INTS9: variants seen among roughly 807,000 people sequenced by gnomAD.
The protein encoded by INTS9 is integrator complex subunit 9, also known as protein related to CPSF subunits of 74 kDa.
INTS9 carries 55 observed loss-of-function variants against 79.7 expected under a neutral mutation model. That is an observed-to-expected ratio of 0.69 (90% CI 0.56 to 0.86). INTS9 has a LOEUF of 0.86. Among genes scored for constraint, INTS9 ranks in the 40% least tolerant of loss-of-function variants. The pLI is 0.00. For synonymous variants in INTS9, 319 were observed against 325.2 expected, an observed-to-expected ratio of 0.98 and a Z score of 0.20; for missense variants, 721 against 831.5, an observed-to-expected ratio of 0.87 and a Z score of 1.64.
At chr8:28,871,632 C>T (rs1254705872) in intron 1 of INTS9, among the ~76,000 whole-genome samples, 2 of 152,050 alleles carry the variant, frequency 1.3e-5, no homozygotes, top group Non-Finnish European at 2.9e-5. Flanking sequence ...TCCTGAACTC[C>T]TGGGCTCAAG....
intron 1 of INTS9, among the ~76,000 whole-genome samples, chr8:28,882,532 T>TAAAAAAAAAAAAAAA: frequency 1.6e-5 from 1 of 63,310 alleles, no homozygotes; most frequent in East Asian, 4.3e-4. Context: ...TATTAACAGC[T>TAAAAAAAAAAAAAAA]AAAAAAAAAA....
At chr8:28,865,324 A>G (rs547172912) in intron 1 of INTS9, among the ~76,000 whole-genome samples, 1 of 152,098 alleles carries the variant, frequency 6.6e-6, no homozygotes, top group South Asian at 2.1e-4. Flanking sequence ...TACGATTTAT[A>G]AATAAACCTA....
Position 28,787,900 on chromosome 8 carries a change from G to A in INTS9, c.1038-11C>T. On this transcript the variant is annotated splice_polypyrimidine_tract_variant and intron_variant, in intron 10 of 16. Transcript: ENST00000521022. ...TTGTTGTGACAAAGCCTATTAAAGA[G>A]GAAAAACACATCAGCATGTGAGGAA... 1 of 1,583,932 alleles carries A rather than the reference G, an allele frequency of 6.3e-7. No homozygotes were observed.
intron 15 of INTS9, 73 bp from the exon 16 acceptor site, chr8:28,770,099 A>G: frequency 6.4e-7 from 1 of 1,554,250 alleles, no homozygotes; most frequent in South Asian, 1.2e-5. Context: ...CCACACTGAG[A>G]GCCTGAGACT....
chr8:28,880,364 T>G (rs546313386), intron 1 of INTS9, among the ~76,000 whole-genome samples: 2 of 151,860 alleles, frequency 1.3e-5, no homozygotes, highest in African/African-American at 4.8e-5. Context: ...CCCTGCCTGA[T>G]TCTCCTGCCT....
At chr8:28,792,877 T>C (rs1018701578) in intron 10 of INTS9, among the ~76,000 whole-genome samples, 7 of 147,496 alleles carry the variant, frequency 4.7e-5, no homozygotes, top group South Asian at 2.1e-4. Flanking sequence ...TGTGCCACTG[T>C]ACTCCAGCCT....
intron 10 of INTS9, among the ~76,000 whole-genome samples, chr8:28,790,908 A>T (rs1018910290): frequency 6.6e-6 from 1 of 152,216 alleles, no homozygotes; most frequent in Non-Finnish European, 1.5e-5. Flanking sequence ...GGCACCGTCA[A>T]TGCCCTCAGG....
intron 8 of INTS9, among the ~76,000 whole-genome samples, chr8:28,802,010 G>C (rs1804554998): frequency 6.6e-6 from 1 of 152,318 alleles, no homozygotes; most frequent in South Asian, 2.1e-4. Context: ...TGTGGGAATT[G>C]TGCCAGCTCT....
intron 12 of INTS9, 62 bp from the exon 13 acceptor site, chr8:28,778,015 C>A: frequency 6.6e-7 from 1 of 1,506,654 alleles, no homozygotes; most frequent in Non-Finnish European, 8.9e-7. Flanking sequence ...CCAAGCCAGA[C>A]AGCAACTGGG....
At chr8:28,773,612 C>T (rs577453227) in intron 14 of INTS9, among the ~76,000 whole-genome samples, 6 of 149,622 alleles carry the variant, frequency 4.0e-5, no homozygotes, top group East Asian at 4.0e-4. Context: ...AGTGCAGTGG[C>T]GCGATTTTGG....
intron 5 of INTS9, 139 bp downstream of exon 5, chr8:28,837,498 C>G: frequency 1.2e-6 from 1 of 812,294 alleles, no homozygotes. Flanking sequence ...TCTAGAGAGT[C>G]GCTTACTCCT....
chr8:28,870,193 G>A (rs1458647630), intron 1 of INTS9, among the ~76,000 whole-genome samples: 1 of 152,026 alleles, frequency 6.6e-6, no homozygotes, highest in African/African-American at 2.4e-5. Flanking sequence ...ATAAAAGACT[G>A]TAAGCACACA....
intron 6 of INTS9, among the ~76,000 whole-genome samples, chr8:28,829,851 T>C (rs1806365986): frequency 6.6e-6 from 1 of 152,170 alleles, no homozygotes; most frequent in Non-Finnish European, 1.5e-5. Context: ...AAGGAAGGCT[T>C]GGCAGCTGTG....
intron 3 of INTS9, among the ~76,000 whole-genome samples, chr8:28,849,694 C>G (rs948333963): frequency 4.6e-5 from 7 of 152,134 alleles, no homozygotes; most frequent in African/African-American, 1.2e-4. Flanking sequence ...GTGATCCGAT[C>G]TGACAATGCC....
intron 1 of INTS9, among the ~76,000 whole-genome samples, chr8:28,880,592 G>A (rs371810686): frequency 6.6e-6 from 1 of 151,212 alleles, no homozygotes; most frequent in Non-Finnish European, 1.5e-5. Flanking sequence ...GTGCAGCGGC[G>A]TGATCTCGGC....
chr8:28,844,677 G>A (rs2131226926), intron 4 of INTS9, among the ~76,000 whole-genome samples: 1 of 152,050 alleles, frequency 6.6e-6, no homozygotes, highest in African/African-American at 2.4e-5. Flanking sequence ...ATTCAAAAAT[G>A]AGCTGGTGGG....
chr8:28,804,907 G>A (rs1437064834), intron 8 of INTS9, among the ~76,000 whole-genome samples: 2 of 152,180 alleles, frequency 1.3e-5, no homozygotes, highest in African/African-American at 4.8e-5. Flanking sequence ...ATACAGCTGA[G>A]AATGAATTCA....
At chr8:28,824,381 G>C (rs1012614871) in intron 6 of INTS9, among the ~76,000 whole-genome samples, 1 of 152,126 alleles carries the variant, frequency 6.6e-6, no homozygotes, top group Non-Finnish European at 1.5e-5. Flanking sequence ...CTTTATCTGG[G>C]TGCTGCTTCT....
intron 15 of INTS9, among the ~76,000 whole-genome samples, chr8:28,770,688 C>T (rs982912147): frequency 3.3e-5 from 5 of 152,232 alleles, no homozygotes; most frequent in East Asian, 1.9e-4. Context: ...CACAGCCTCA[C>T]GCAGGTGCCC....
Sources: gnomAD v4.1 joint callset for allele counts (sites outside exome capture counted in the v4.1 genomes callset) on GRCh38, gnomAD v4.1.1 for gene constraint, MANE v1.5 for transcripts, NCBI Gene and HGNC (gene_info 2026-07-23, HGNC 2026-07-21) for gene names.